The following CNTN5 variants were observed in gnomAD, a reference collection of about 807,000 sequenced individuals.
CNTN5 encodes the protein contactin 5.
In CNTN5, 77 loss-of-function variants were observed where a neutral mutation model predicts 129.1. That is an observed-to-expected ratio of 0.60 (90% CI 0.50 to 0.72). The LOEUF (loss-of-function observed/expected upper bound fraction) is 0.72, where lower values mean the gene tolerates loss of function less well. Ranked by LOEUF, CNTN5 falls within the 30% of genes least tolerant of loss-of-function variation. The probability of loss-of-function intolerance (pLI) is 0.00; values close to 1 mark genes in which losing one functional copy is unlikely to be tolerated. For missense variants in CNTN5, 1,478 were observed against 1,328.8 expected (o/e 1.11, Z -1.75); for synonymous variants, 509 against 465.6 (o/e 1.09, Z -1.20).
intron 4 of CNTN5, among the ~76,000 whole-genome samples, chr11:99,841,859 T>C (rs1013609373): frequency 2.2e-5 from 3 of 138,576 alleles, no homozygotes; most frequent in Non-Finnish European, 4.7e-5. Context: ...CACATATATA[T>C]ACACACATAT....
chr11:99,351,311 T>A (rs993001068), intron 2 of CNTN5, among the ~76,000 whole-genome samples: 1 of 152,156 alleles, frequency 6.6e-6, no homozygotes, highest in South Asian at 2.1e-4. Flanking sequence ...GAGGTGAGAA[T>A]TATTGGCCCT....
intron 9 of CNTN5, among the ~76,000 whole-genome samples, chr11:100,048,614 G>A (rs1942807360): frequency 6.6e-6 from 1 of 151,798 alleles, no homozygotes; most frequent in South Asian, 2.1e-4. Flanking sequence ...AGACACTGCA[G>A]AAGAAAAGAT....
At chr11:99,824,806 C>T (rs1182732950) in intron 4 of CNTN5, among the ~76,000 whole-genome samples, 2 of 151,688 alleles carry the variant, frequency 1.3e-5, no homozygotes, top group African/African-American at 4.8e-5. Flanking sequence ...ATGTATTAAC[C>T]AATGTCAGTG....
At chr11:99,943,272 T>A (rs1309756492) in intron 7 of CNTN5, among the ~76,000 whole-genome samples, 1 of 152,184 alleles carries the variant, frequency 6.6e-6, no homozygotes, top group Non-Finnish European at 1.5e-5. Context: ...TGATTTGCCC[T>A]TGTCTGATAA....
At chr11:99,820,387 C>T (rs530942268) in intron 4 of CNTN5, among the ~76,000 whole-genome samples, 128 of 152,222 alleles carry the variant, frequency 8.4e-4, no homozygotes, top group Non-Finnish European at 1.4e-3. Flanking sequence ...AAAGAGAGCA[C>T]GCAAAGATAA....
intron 3 of CNTN5, among the ~76,000 whole-genome samples, chr11:99,756,884 G>C (rs918793905): frequency 2.0e-5 from 3 of 148,166 alleles, no homozygotes; most frequent in Non-Finnish European, 4.5e-5. Context: ...ACTTAATATA[G>C]CCAGAAGTAA....
rs1334801874 is a variant in CNTN5, at chr11:99,551,910, C to CT, written c.-70-4220dup. Among the ~76,000 whole-genome samples, 600 of 139,886 alleles carry CT rather than the reference C, an allele frequency of 4.3e-3. 1 individual carries two copies. The highest frequency in any genetic ancestry group is 0.01 in the African/African-American group (389 of 38,352). 91.8% of individuals were successfully genotyped at this position (139,886 alleles called of 152,430 possible). A position where few individuals can be genotyped will look rare whatever the true frequency, so the allele number is the denominator to read the frequency against. Reference sequence around the variant, plus strand: ...AAATCTAAGAAACACTGAGTTTTTTCTTTTTTTTTTTTTTTGAGACAGAGT... The same window carrying CT: ...AAATCTAAGAAACACTGAGTTTTTTCTTTTTTTTTTTTTTTTGAGACAGAGT... On this transcript the variant is annotated intron_variant, in intron 2 of 24. Coordinates refer to ENST00000524871, the MANE Select transcript of CNTN5 (RefSeq NM_014361.4).
intron 2 of CNTN5, among the ~76,000 whole-genome samples, chr11:99,423,204 C>T (rs937172020): frequency 6.6e-6 from 1 of 152,020 alleles, no homozygotes; most frequent in African/African-American, 2.4e-5. Flanking sequence ...TTAACTTTAC[C>T]TGGTGATTGG....
rs539117099 is a variant in CNTN5, at chr11:99,048,926, G to A, written c.-210+27656G>A. Among the ~76,000 whole-genome samples, 4 of 152,248 alleles carry A rather than the reference G, an allele frequency of 2.6e-5. No individual in the cohort carries two copies. In the East Asian group the frequency reaches 7.7e-4, roughly 29 times the overall value. On this transcript the variant is annotated intron_variant, in intron 1 of 24. Transcript: ENST00000524871. ...GGACAAAGTTGGATTAACAATCCAT[G>A]ACTACAGCCTTGAAAATACTGTTAA...
rs182765834 is a variant in CNTN5, at chr11:100,070,254, G to T, written c.1163-170G>T. ...ATATCTTCACTGCTATTTTTTGGGGGTACAGGAAATAGAATTTTGTGTGTA... is the reference window on the plus strand; with the variant it reads ...ATATCTTCACTGCTATTTTTTGGGGTTACAGGAAATAGAATTTTGTGTGTA... On this transcript the variant is annotated intron_variant, in intron 10 of 24. Transcript: ENST00000524871. 7.7e-3 allele frequency: 4,006 copies of T among 519,424 alleles called. 35 individuals are homozygous for T. Among genetic ancestry groups the T allele is most frequent in the Middle Eastern group, 0.02 (38 of 1,868 alleles). 32.2% of individuals were successfully genotyped at this position (519,424 alleles called of 1,614,324 possible). A position where few individuals can be genotyped will look rare whatever the true frequency, so the allele number is the denominator to read the frequency against.
Position 99,874,163 on chromosome 11 carries a change from A to G in CNTN5, c.577+28901A>G, listed in dbSNP as rs1948575820. Among the ~76,000 whole-genome samples the G allele has an allele frequency of 2.0e-5, 3 of 152,314 alleles. No homozygotes were observed. The South Asian group carries it at 6.2e-4, about 32-fold the overall frequency. On this transcript the variant is annotated intron_variant, in intron 6 of 24. Coordinates refer to ENST00000524871, the MANE Select transcript of CNTN5 (RefSeq NM_014361.4). ...CCCAATACCTACCATTTCACAATAC[A>G]TCCATGTGACAAACAAGCACATGTA...
intron 6 of CNTN5, among the ~76,000 whole-genome samples, chr11:99,861,873 CTGT>C (rs1272038461): frequency 6.6e-5 from 10 of 152,162 alleles, no homozygotes; most frequent in Non-Finnish European, 1.5e-4. Flanking sequence ...TTTATACCTA[CTGT>C]TGTTGTGAGC....
rs142784691 is a variant in CNTN5, at chr11:99,997,704, A to C, written c.878-4330A>C. On this transcript the variant is annotated intron_variant, in intron 8 of 24. Transcript: ENST00000524871. Reference sequence around the variant, plus strand: ...AAAGCCGGGCAGAGACACAACCAACAAAGACAATTTTAGACCAATATCCTT... The same window carrying C: ...AAAGCCGGGCAGAGACACAACCAACCAAGACAATTTTAGACCAATATCCTT... Among the ~76,000 whole-genome samples the C allele has an allele frequency of 2.6e-3, 401 of 152,190 alleles. 4 individuals are homozygous for C. Among genetic ancestry groups the C allele is most frequent in the African/African-American group, 9.4e-3 (388 of 41,490 alleles).
In CNTN5 at chr11:100,142,084, C is replaced by G. The variant is rs117571273; in HGVS notation, c.1581-49042C>G. 5.0e-3 allele frequency among the ~76,000 whole-genome samples: 764 copies of G among 152,264 alleles called. 6 individuals are homozygous for G. Among genetic ancestry groups the G allele is most frequent in the Middle Eastern group, 0.014 (4 of 294 alleles). On this transcript the variant is annotated intron_variant, in intron 13 of 24. Transcript: ENST00000524871. The stretch of plus-strand genomic sequence containing the variant: ...CTTGGACATCAGAACGCCAGGCTCT[C>G]TGGCCTTTGGACTTCAGTAGACCCC...
intron 1 of CNTN5, among the ~76,000 whole-genome samples, chr11:99,256,781 A>G (rs1293600689): frequency 1.3e-5 from 2 of 152,108 alleles, no homozygotes; most frequent in Non-Finnish European, 2.9e-5. Context: ...AACTGAATTC[A>G]CAAACTATAC....
Position 100,341,144 on chromosome 11 carries a change from T to A in CNTN5, c.2969T>A (p.Val990Asp). The part of the protein sequence containing the change: ...NLRWEQQGSQ[V>D]SLGWEPVIPL... The stretch of plus-strand genomic sequence containing the variant: ...AGGTGGGAGCAGCAAGGCTCTCAGG[T>A]TTCTCTGGGCTGGGAACCCGTCATA... The change falls in exon 23 of 25, where the codon GTT becomes GAT. Residue 990 changes from valine (V) to aspartate (D), a missense_variant. Transcript: ENST00000524871. The A allele has an allele frequency of 6.2e-7, 1 of 1,613,804 alleles. No individual in the cohort carries two copies. The highest frequency in any genetic ancestry group is 1.7e-5 in the Admixed American group (1 of 60,006).
chr11:100,332,226 A>G (rs1397080174), intron 21 of CNTN5, among the ~76,000 whole-genome samples: 1 of 152,144 alleles, frequency 6.6e-6, no homozygotes, highest in Admixed American at 6.5e-5. Context: ...CATAAACTAG[A>G]AAATCTAGAG....
At chr11:100,032,361 C>A (rs775713908) in intron 9 of CNTN5, among the ~76,000 whole-genome samples, 3 of 151,964 alleles carry the variant, frequency 2.0e-5, no homozygotes, top group South Asian at 2.1e-4. Flanking sequence ...ATATTATTAT[C>A]AATTTCAATC....
At chr11:99,560,773 A>C (rs994606623) in intron 3 of CNTN5, among the ~76,000 whole-genome samples, 1 of 152,164 alleles carries the variant, frequency 6.6e-6, no homozygotes, top group Non-Finnish European at 1.5e-5. Flanking sequence ...ATACTGGAAC[A>C]ACTAAGTCCA....
Sources: allele counts gnomAD v4.1 joint callset (sites outside exome capture counted in the v4.1 genomes callset), GRCh38; gene constraint gnomAD v4.1.1; transcripts MANE v1.5; gene names NCBI Gene and HGNC (gene_info 2026-07-23, HGNC 2026-07-21).